Variants in ADGRA3 observed in about 807,000 individuals in gnomAD.
ADGRA3 encodes G-protein coupled receptor 125.
In ADGRA3, 56 loss-of-function variants were observed where a neutral mutation model predicts 119.8. That is an observed-to-expected ratio of 0.47 (90% CI 0.38 to 0.58). ADGRA3 has a LOEUF of 0.58. Among genes scored for constraint, ADGRA3 ranks in the 20% least tolerant of loss-of-function variants. The probability of loss-of-function intolerance (pLI) is 0.00; values close to 1 mark genes in which losing one functional copy is unlikely to be tolerated. For missense variants in ADGRA3, 1,516 were observed against 1,649.0 expected (o/e 0.92, Z 1.40); for synonymous variants, 607 against 623.8 (o/e 0.97, Z 0.40).
At chr4:22,506,659 C>T (rs965058105) in intron 1 of ADGRA3, among the ~76,000 whole-genome samples, 12 of 152,066 alleles carry the variant, frequency 7.9e-5, no homozygotes, top group African/African-American at 2.9e-4. Flanking sequence ...TTCTGGGAGG[C>T]ACCTACCTCA....
chr4:22,491,498 T>A (rs752149786), intron 1 of ADGRA3, among the ~76,000 whole-genome samples: 1 of 152,198 alleles, frequency 6.6e-6, no homozygotes, highest in Non-Finnish European at 1.5e-5. Flanking sequence ...TAGCCTTCAG[T>A]GTCTGTCCCT....
chr4:22,447,416 AGAGAG>A lies in ADGRA3; in HGVS notation c.545+19_545+23del. 1.5e-6 allele frequency: 2 copies of A among 1,340,752 alleles called. No homozygotes were observed. Among genetic ancestry groups the A allele is most frequent in the Non-Finnish European group, 1.0e-6 (1 of 975,598 alleles). The allele number at this position is 1,340,752 out of a possible 1,614,324, so 83.1% of individuals were successfully genotyped here. On this transcript the variant is annotated intron_variant, in intron 5 of 18. Coordinates refer to ENST00000334304, the MANE Select transcript of ADGRA3 (RefSeq NM_145290.4). ...AAAGACATGAAAATCAAAAAAAAAA[AGAGAG>A]AAAAAAATTCTTACTTACAAAGACC...
At chr4:22,496,856 A>C (rs891744187) in intron 1 of ADGRA3, among the ~76,000 whole-genome samples, 1 of 152,260 alleles carries the variant, frequency 6.6e-6, no homozygotes, top group African/African-American at 2.4e-5. Flanking sequence ...AAATGATGGC[A>C]CATGTGCCAC....
At chr4:22,398,065 C>T (rs1388322686) in intron 16 of ADGRA3, 1 of 985,156 alleles carries the variant, frequency 1.0e-6, no homozygotes, top group Admixed American at 6.2e-5. Flanking sequence ...ATCTTCTACA[C>T]ATGGATGTAG....
Position 22,438,385 on chromosome 4 carries a change from G to A in ADGRA3, c.956C>T (p.Thr319Ile), listed in dbSNP as rs548920791. 1.2e-6 allele frequency: 2 copies of A among 1,613,746 alleles called. No homozygotes were observed. The highest frequency in any genetic ancestry group is 2.2e-5 in the East Asian group (1 of 44,850). Residue 319 changes from threonine to isoleucine, a missense_variant, in exon 8 of 19, where the codon ACT (threonine) becomes ATT (isoleucine). Physicochemically the swap from Thr to Ile is moderately conservative, Grantham distance 89. This residue lies in a region of ADGRA3 where 428 missense variants were observed against 541.9 expected (regional missense o/e 0.79). Coordinates refer to ENST00000334304, the MANE Select transcript of ADGRA3 (RefSeq NM_145290.4). The stretch of plus-strand genomic sequence containing the variant: ...CTGGACATGACAGCCCCAATTTCCA[G>A]TAGATCCAGCCTGAATATTAGAAAT... ...LTISNIQAGS[T>I]GNWGCHVQTK...
At position 22,420,784 on chromosome 4, in the gene ADGRA3, C is replaced by A. The variant is rs148835439; in HGVS notation, c.1809+102G>T. 461 of 1,047,108 alleles carry A rather than the reference C, an allele frequency of 4.4e-4. No individual in the cohort carries two copies. The African/African-American group carries it at 6.0e-3, about 14-fold the overall frequency. The allele number at this position is 1,047,108 out of a possible 1,614,324, so 64.9% of individuals were successfully genotyped here. ...AAAAGCAATAATACCTATCTTCCTGCAAAAAAAAAATCTTTTAATAAGGTT... is the reference window on the plus strand; with the variant it reads ...AAAAGCAATAATACCTATCTTCCTGAAAAAAAAAAATCTTTTAATAAGGTT... On this transcript the variant is annotated intron_variant, in intron 12 of 18. Coordinates refer to ENST00000334304, the MANE Select transcript of ADGRA3 (RefSeq NM_145290.4).
intron 5 of ADGRA3, among the ~76,000 whole-genome samples, chr4:22,445,745 C>T (rs1716808927): frequency 1.3e-5 from 2 of 152,008 alleles, no homozygotes; most frequent in African/African-American, 2.4e-5. Flanking sequence ...GATAAAGACC[C>T]AACAAATCAA....
intron 11 of ADGRA3, 113 bp downstream of exon 11, chr4:22,424,078 A>G: frequency 1.5e-6 from 1 of 660,018 alleles, no homozygotes; most frequent in African/African-American, 1.8e-5. Flanking sequence ...TGTAATAATC[A>G]GCAGTAAGAG....
At chr4:22,473,915 G>T in intron 1 of ADGRA3, 72 bp from the exon 2 acceptor site, 2 of 892,018 alleles carry the variant, frequency 2.2e-6, no homozygotes, top group Non-Finnish European at 3.5e-6. Context: ...AGCTTATTAT[G>T]TTTAAACCTA....
chr4:22,423,215 T>C (rs923765694), intron 11 of ADGRA3, among the ~76,000 whole-genome samples: 1 of 149,892 alleles, frequency 6.7e-6, no homozygotes, highest in Non-Finnish European at 1.5e-5. Flanking sequence ...AATAAATAAA[T>C]ATTGAAAAAA....
rs188580504 is a variant in ADGRA3 at position 22,500,433 on chromosome 4, A to G, written c.257+15095T>C. Among the ~76,000 whole-genome samples, 12 of 146,392 alleles carry G rather than the reference A, an allele frequency of 8.2e-5. No homozygotes were observed. The East Asian group carries it at 2.3e-3, about 28-fold the overall frequency. ...GCGGGGAGCATTTGGCACAGCACCT[A>G]GAACACGATCAACATTCCAACGTTG... On this transcript the variant is annotated intron_variant, in intron 1 of 18. Coordinates refer to ENST00000334304, the MANE Select transcript of ADGRA3 (RefSeq NM_145290.4).
At chr4:22,459,326 G>A (rs1208715425) in intron 3 of ADGRA3, among the ~76,000 whole-genome samples, 1 of 151,990 alleles carries the variant, frequency 6.6e-6, no homozygotes, top group Non-Finnish European at 1.5e-5. Flanking sequence ...GGAGGGAGGA[G>A]GGTGGAAGGA....
chr4:22,466,136 G>A (rs61792035), intron 2 of ADGRA3, among the ~76,000 whole-genome samples: 4,409 of 152,228 alleles, frequency 0.029, 82 homozygotes, highest in Middle Eastern at 0.051. Flanking sequence ...GTTCAGGTGC[G>A]TTAAGGTAAC....
chr4:22,467,868 C>A (rs1717716031), intron 2 of ADGRA3, among the ~76,000 whole-genome samples: 1 of 152,020 alleles, frequency 6.6e-6, no homozygotes, highest in Non-Finnish European at 1.5e-5. Context: ...GAAAAAAGCA[C>A]AATAATTGCT....
Position 22,423,565 on chromosome 4 carries a change from C to T in ADGRA3, c.1605+626G>A, listed in dbSNP as rs1472603956. Among the ~76,000 whole-genome samples, 5 of 152,148 alleles carry T rather than the reference C, an allele frequency of 3.3e-5. No individual in the cohort carries two copies. In the East Asian group the frequency reaches 7.7e-4, roughly 23 times the overall value. Reference sequence around the variant, plus strand: ...AGTAAGCAGTATATCAAGAAATTTACAACTGTTCAATTTATCATAAATAAA... The same window carrying T: ...AGTAAGCAGTATATCAAGAAATTTATAACTGTTCAATTTATCATAAATAAA... On this transcript the variant is annotated intron_variant, in intron 11 of 18. Coordinates refer to ENST00000334304, the MANE Select transcript of ADGRA3 (RefSeq NM_145290.4).
intron 12 of ADGRA3, among the ~76,000 whole-genome samples, chr4:22,417,641 T>C (rs992071820): frequency 3.3e-5 from 5 of 152,158 alleles, no homozygotes; most frequent in African/African-American, 1.2e-4. Context: ...TCTTAGTCAC[T>C]GTATCATATG....
rs1323564710 is a variant in ADGRA3, at chr4:22,388,571, T to C, written c.3100A>G (p.Thr1034Ala). 1 of 1,614,070 alleles carries C rather than the reference T, an allele frequency of 6.2e-7. No individual in the cohort carries two copies. Among genetic ancestry groups the C allele is most frequent in the Admixed American group, 1.7e-5 (1 of 60,020 alleles). The change falls in exon 19 of 19, where the codon ACA becomes GCA. Residue 1034 changes from threonine (T) to alanine (A), a missense_variant. By Grantham distance (58) the Thr-to-Ala change is moderately conservative (BLOSUM62 0). Transcript: ENST00000334304. ...AAGAACGCACTGAAGCTTAAACTTG[T>C]GGCTCCAAAAACGAAGCTAAAAACC... ...DLVFSFVFGA[T>A]SLSFSAFFVV...
intron 3 of ADGRA3, among the ~76,000 whole-genome samples, chr4:22,455,321 C>T (rs919496196): frequency 6.6e-6 from 1 of 152,178 alleles, no homozygotes; most frequent in Non-Finnish European, 1.5e-5. Flanking sequence ...TGAGCCCAAA[C>T]TCAGCCAGTA....
At chr4:22,424,095 T>C in intron 11 of ADGRA3, 96 bp downstream of exon 11, 1 of 906,726 alleles carries the variant, frequency 1.1e-6, no homozygotes, top group Non-Finnish European at 1.5e-6. Flanking sequence ...AGAGAAGATA[T>C]CCACCCCATA....
Sources: gnomAD v4.1 joint callset for allele counts (sites outside exome capture counted in the v4.1 genomes callset) on GRCh38, gnomAD v4.1.1 for gene constraint, gnomAD v4.1.1 regional missense constraint, MANE v1.5 for transcripts, NCBI Gene and HGNC (gene_info 2026-07-23, HGNC 2026-07-21) for gene names.